Variants in MAP4 observed in about 807,000 individuals in gnomAD.
MAP4 encodes microtubule-associated protein 4.
Under a neutral mutation model 170.2 loss-of-function variants are expected in MAP4, and 76 were observed. The observed-to-expected ratio is 0.45, with a 90% CI of 0.37 to 0.54. The LOEUF (loss-of-function observed/expected upper bound fraction) is 0.54, where lower values mean the gene tolerates loss of function less well. Ranked by LOEUF, MAP4 falls within the 20% of genes least tolerant of loss-of-function variation. The pLI, the probability that MAP4 is intolerant of heterozygous loss-of-function variation, is 0.00. For synonymous variants in MAP4, 909 were observed against 994.5 expected (o/e 0.91, Z 1.62); for missense variants, 2,506 against 2,748.0 (o/e 0.91, Z 1.97).
At chr3:47,988,897 C>T (rs2154336243) in intron 2 of MAP4, among the ~76,000 whole-genome samples, 1 of 152,240 alleles carries the variant, frequency 6.6e-6, no homozygotes, top group African/African-American at 2.4e-5. Flanking sequence ...ACTGCAACCT[C>T]CACCTTCTGG....
At chr3:48,056,840 TGG>T (rs1241693290) in intron 1 of MAP4, among the ~76,000 whole-genome samples, 3 of 42,034 alleles carry the variant, frequency 7.1e-5, no homozygotes, top group Admixed American at 2.3e-4. Flanking sequence ...GGGAGGGAGG[TGG>T]GGGGGGGGTC....
intron 3 of MAP4, among the ~76,000 whole-genome samples, chr3:47,932,982 A>G (rs1368577794): frequency 6.6e-6 from 1 of 152,130 alleles, no homozygotes; most frequent in Non-Finnish European, 1.5e-5. Flanking sequence ...AGCTCACTGC[A>G]ACCTTAAACT....
At chr3:48,050,435 T>C (rs1246262344) in intron 1 of MAP4, among the ~76,000 whole-genome samples, 1 of 151,946 alleles carries the variant, frequency 6.6e-6, no homozygotes, top group Non-Finnish European at 1.5e-5. Context: ...AAACTCTTCA[T>C]AGAAATCCAA....
Position 47,895,081 on chromosome 3 carries a change from G to C in MAP4, c.5434+7869C>G, listed in dbSNP as rs576637648. Among the ~76,000 whole-genome samples, 14 of 151,538 alleles carry C rather than the reference G, an allele frequency of 9.2e-5. 1 individual carries two copies. The South Asian group carries it at 2.9e-3, about 32-fold the overall frequency. ...TGTAATACAGTCTGAATATACCAGA[G>C]GAAAACTCTGGAAAATACCTTAGAA... is the stretch of plus-strand genomic sequence containing the variant. On this transcript the variant is annotated intron_variant, in intron 10 of 20. Coordinates refer to ENST00000683076, the MANE Select transcript of MAP4 (RefSeq NM_001385682.1).
chr3:48,025,290 C>T (rs1415195859), intron 1 of MAP4, among the ~76,000 whole-genome samples: 1 of 149,760 alleles, frequency 6.7e-6, no homozygotes, highest in Non-Finnish European at 1.5e-5. Context: ...CATACCTACA[C>T]ACTTTTTTTT....
At chr3:47,899,854 C>A (rs942348560) in intron 10 of MAP4, among the ~76,000 whole-genome samples, 1 of 152,178 alleles carries the variant, frequency 6.6e-6, no homozygotes, top group African/African-American at 2.4e-5. Context: ...TTGAAGAAAG[C>A]GCATGGATTC....
At chr3:47,949,920 C>T (rs2100062604) in intron 3 of MAP4, among the ~76,000 whole-genome samples, 1 of 152,146 alleles carries the variant, frequency 6.6e-6, no homozygotes, top group African/African-American at 2.4e-5. Flanking sequence ...TTCCAGTCAC[C>T]CCAGCTAACT....
Position 47,910,974 on chromosome 3 carries a change from C to T in MAP4, c.3447G>A (p.Lys1149=), listed in dbSNP as rs1214798688. 2.0e-6 allele frequency: 3 copies of T among 1,536,144 alleles called. No homozygotes were observed. Among genetic ancestry groups the T allele is most frequent in the Non-Finnish European group, 2.6e-6 (3 of 1,146,902 alleles). ...MGEPKEMTQP[K]VAGTMQALIP... The stretch of plus-strand genomic sequence containing the variant: ...TCAATGCCTGCATGGTGCCTGCCAC[C>T]TTAGGCTGAGTCATCTCTTTAGGCT... Residue 1149 remains lysine, a synonymous_variant, in exon 9 of 21, where the codon AAG becomes AAA. Transcript: ENST00000683076.
chr3:47,990,138 C>T (rs1290960945), intron 2 of MAP4, among the ~76,000 whole-genome samples: 2 of 152,170 alleles, frequency 1.3e-5, no homozygotes, highest in East Asian at 1.9e-4. Context: ...GCCAACACTG[C>T]CCTCTACTGG....
At chr3:47,908,947 G>A (rs1235016452) in intron 9 of MAP4, 91 bp downstream of exon 9, 11 of 1,324,178 alleles carry the variant, frequency 8.3e-6, no homozygotes, top group South Asian at 1.5e-5. Flanking sequence ...GATGATTAGA[G>A]TCTGGATGGA....
intron 2 of MAP4, among the ~76,000 whole-genome samples, chr3:47,980,526 TC>T (rs1295583795): frequency 6.6e-6 from 1 of 152,170 alleles, no homozygotes; most frequent in African/African-American, 2.4e-5. Context: ...GTTGAAAAGA[TC>T]ATTCATTCTG....
intron 3 of MAP4, chr3:47,973,138 A>T (rs1451698670): frequency 1.0e-6 from 1 of 983,064 alleles, no homozygotes; most frequent in Non-Finnish European, 1.2e-6. Context: ...ATCACATTAG[A>T]AGTCCCAATA....
chr3:48,038,851 C>A (rs1184144779), intron 1 of MAP4, among the ~76,000 whole-genome samples: 4 of 152,072 alleles, frequency 2.6e-5, no homozygotes, highest in Admixed American at 2.6e-4. Flanking sequence ...CCTGTAATCC[C>A]AGCATTTTGG....
chr3:48,060,482 G>T (rs2100134591), intron 1 of MAP4, among the ~76,000 whole-genome samples: 1 of 151,996 alleles, frequency 6.6e-6, no homozygotes, highest in East Asian at 1.9e-4. Flanking sequence ...ACATGATGTA[G>T]GAAAGAAAAA....
intron 1 of MAP4, among the ~76,000 whole-genome samples, chr3:48,054,579 G>A (rs540028276): frequency 4.0e-4 from 55 of 136,364 alleles, no homozygotes; most frequent in Admixed American, 2.1e-3. Context: ...GCAGTGAGCC[G>A]AGATCATGCC....
chr3:47,994,929 A>G (rs897407680), intron 2 of MAP4, among the ~76,000 whole-genome samples: 2 of 151,502 alleles, frequency 1.3e-5, no homozygotes, highest in Admixed American at 1.3e-4. Context: ...AGCCTGTGCA[A>G]TAGAGCGGGA....
At chr3:48,032,919 C>G (rs1270869095) in intron 1 of MAP4, among the ~76,000 whole-genome samples, 1 of 152,134 alleles carries the variant, frequency 6.6e-6, no homozygotes, top group Non-Finnish European at 1.5e-5. Flanking sequence ...TTGTTGATCA[C>G]AGAGAGACAA....
intron 6 of MAP4, 43 bp from the exon 7 acceptor site, chr3:47,917,217 T>C: frequency 1.3e-6 from 2 of 1,528,014 alleles, no homozygotes; most frequent in Non-Finnish European, 1.8e-6. Context: ...ACTCATACCT[T>C]TGCATTAAAA....
intron 1 of MAP4, among the ~76,000 whole-genome samples, chr3:48,004,318 G>C (rs963169276): frequency 3.3e-5 from 5 of 152,160 alleles, no homozygotes; most frequent in Admixed American, 3.3e-4. Context: ...AGAGAGTTAT[G>C]CAAAATAAAT....
Sources: allele counts gnomAD v4.1 joint callset (sites outside exome capture counted in the v4.1 genomes callset), GRCh38; gene constraint gnomAD v4.1.1; transcripts MANE v1.5; gene names NCBI Gene and HGNC (gene_info 2026-07-23, HGNC 2026-07-21).